KIAA1328: variants seen among roughly 807,000 people sequenced by gnomAD.
The protein encoded by KIAA1328 is KIAA1328, also known as protein hinderin.
Under a neutral mutation model 68.1 loss-of-function variants are expected in KIAA1328, and 52 were observed. The observed-to-expected ratio is 0.76, with a 90% CI of 0.61 to 0.96. The LOEUF is 0.96. Among genes scored for constraint, KIAA1328 ranks in the 40% least tolerant of loss-of-function variants. KIAA1328 has a pLI of 0.00. For synonymous variants in KIAA1328, 232 were observed against 239.4 expected, an observed-to-expected ratio of 0.97 and a Z score of 0.28; for missense variants, 641 against 677.6, an observed-to-expected ratio of 0.95 and a Z score of 0.60.
chr18:36,937,315 C>T (rs1423715996), intron 5 of KIAA1328, among the ~76,000 whole-genome samples: 2 of 151,484 alleles, frequency 1.3e-5, no homozygotes, highest in African/African-American at 4.9e-5. Flanking sequence ...GACTTCATGA[C>T]AAAAACGCCA....
chr18:36,843,344 AGTT>A, intron 3 of KIAA1328, among the ~76,000 whole-genome samples: 1 of 152,170 alleles, frequency 6.6e-6, no homozygotes, highest in African/African-American at 2.4e-5. Context: ...AGGTGTTTTC[AGTT>A]ATTCTTGGCT....
At chr18:36,856,079 C>T (rs1187169451) in intron 4 of KIAA1328, among the ~76,000 whole-genome samples, 2 of 151,658 alleles carry the variant, frequency 1.3e-5, no homozygotes, top group Non-Finnish European at 2.9e-5. Context: ...TTGTGTATGA[C>T]GAATCATTTC....
chr18:36,992,182 T>A (rs2053205542), intron 6 of KIAA1328, among the ~76,000 whole-genome samples: 1 of 152,232 alleles, frequency 6.6e-6, no homozygotes, highest in Non-Finnish European at 1.5e-5. Flanking sequence ...TTATGTGTGT[T>A]ACAGCCATCT....
intron 6 of KIAA1328, among the ~76,000 whole-genome samples, chr18:37,057,388 G>C (rs144965928): frequency 6.6e-6 from 1 of 151,654 alleles, no homozygotes; most frequent in Non-Finnish European, 1.5e-5. Context: ...TAAATGGTTG[G>C]GGGAAAAGGA....
At chr18:37,025,251 T>C (rs1045158291) in intron 6 of KIAA1328, among the ~76,000 whole-genome samples, 2 of 152,106 alleles carry the variant, frequency 1.3e-5, no homozygotes, top group African/African-American at 4.8e-5. Flanking sequence ...CAAAGAGACT[T>C]AGACTCCCAC....
intron 7 of KIAA1328, among the ~76,000 whole-genome samples, chr18:37,143,825 C>G (rs1202190430): frequency 6.6e-6 from 1 of 151,628 alleles, no homozygotes; most frequent in Non-Finnish European, 1.5e-5. Flanking sequence ...TACCACTTAC[C>G]TGAATTTATT....
intron 5 of KIAA1328, among the ~76,000 whole-genome samples, chr18:36,940,214 C>A (rs1041307969): frequency 6.6e-6 from 1 of 152,216 alleles, no homozygotes; most frequent in South Asian, 2.1e-4. Context: ...TTAGACAGTG[C>A]TTGTTAACCA....
In KIAA1328 at chr18:36,830,818, A is replaced by G. The variant is rs112043292; in HGVS notation, c.58+1622A>G. Reference sequence around the variant, plus strand: ...GAGGAATTGAAATTGTACAGGGGAAAAATGGTGGCGATTATATCCTATAAG... The same window carrying G: ...GAGGAATTGAAATTGTACAGGGGAAGAATGGTGGCGATTATATCCTATAAG... On this transcript the variant is annotated intron_variant, in intron 1 of 9. Transcript: ENST00000280020. 4.7e-3 allele frequency among the ~76,000 whole-genome samples: 721 copies of G among 152,316 alleles called. 7 individuals are homozygous for G. The highest frequency in any genetic ancestry group is 0.016 in the African/African-American group (683 of 41,564).
At chr18:37,140,745 T>C (rs1318277737) in intron 7 of KIAA1328, among the ~76,000 whole-genome samples, 1 of 152,146 alleles carries the variant, frequency 6.6e-6, no homozygotes, top group African/African-American at 2.4e-5. Flanking sequence ...TTTTAACAGC[T>C]CCATCAGATG....
In KIAA1328 at chr18:37,176,565, G is replaced by A. The variant is rs145664389; in HGVS notation, c.1523+3484G>A. On this transcript the variant is annotated intron_variant, in intron 9 of 9. Coordinates refer to ENST00000280020, the MANE Select transcript of KIAA1328 (RefSeq NM_020776.3). ...CACAGTGGTCATCTTGGCACAAGAG[G>A]GTGGTGAAGCTGAATTAAATGTACC... Among the ~76,000 whole-genome samples, 104 of 152,286 alleles carry A rather than the reference G, an allele frequency of 6.8e-4. No individual in the cohort carries two copies. The Middle Eastern group carries it at 0.014, about 20-fold the overall frequency.
intron 7 of KIAA1328, among the ~76,000 whole-genome samples, chr18:37,144,321 C>T (rs1435538058): frequency 1.3e-5 from 2 of 151,850 alleles, no homozygotes; most frequent in East Asian, 3.9e-4. Flanking sequence ...AGGGGTTTAC[C>T]ACTTGTATTA....
chr18:36,878,472 AATCTGGTGATT>A (rs1301931420), intron 4 of KIAA1328, among the ~76,000 whole-genome samples: 2 of 152,064 alleles, frequency 1.3e-5, no homozygotes, highest in Admixed American at 6.5e-5. Context: ...AACCTTGATG[AATCTGGTGATT>A]ATGTGTCTTG....
intron 4 of KIAA1328, among the ~76,000 whole-genome samples, chr18:36,884,205 G>A (rs1328149607): frequency 1.3e-5 from 2 of 151,846 alleles, no homozygotes; most frequent in Admixed American, 1.3e-4. Flanking sequence ...AAGGAAGCAG[G>A]ATAACCTGAT....
At chr18:37,086,135 T>C (rs1171392319) in intron 7 of KIAA1328, among the ~76,000 whole-genome samples, 2 of 152,186 alleles carry the variant, frequency 1.3e-5, no homozygotes, top group East Asian at 3.9e-4. Context: ...TTCAGTGAGC[T>C]TGAATAAGTT....
At chr18:37,070,086 G>A (rs1250430041) in intron 7 of KIAA1328, among the ~76,000 whole-genome samples, 1 of 151,978 alleles carries the variant, frequency 6.6e-6, no homozygotes, top group Non-Finnish European at 1.5e-5. Context: ...TGACCCATGG[G>A]TTATTTAGAA....
chr18:37,147,870 G>A (rs998804589), intron 7 of KIAA1328, among the ~76,000 whole-genome samples: 3 of 152,092 alleles, frequency 2.0e-5, no homozygotes, highest in Non-Finnish European at 4.4e-5. Flanking sequence ...TTATTGTGCA[G>A]ACATCATAGA....
At chr18:37,153,624 CTTT>C (rs772159270) in intron 7 of KIAA1328, among the ~76,000 whole-genome samples, 4 of 95,676 alleles carry the variant, frequency 4.2e-5, no homozygotes, top group African/African-American at 8.3e-5. Flanking sequence ...AATCCAATAG[CTTT>C]TTTTTTTTTT....
At chr18:37,111,100 T>A (rs2057917254) in intron 7 of KIAA1328, among the ~76,000 whole-genome samples, 2 of 152,116 alleles carry the variant, frequency 1.3e-5, no homozygotes, top group Non-Finnish European at 2.9e-5. Flanking sequence ...TTAGTCTGAG[T>A]CAACTTGAGA....
chr18:36,884,887 C>T (rs559572101), intron 4 of KIAA1328, among the ~76,000 whole-genome samples: 5 of 152,042 alleles, frequency 3.3e-5, no homozygotes, highest in Non-Finnish European at 7.4e-5. Flanking sequence ...GTGCTCTTGT[C>T]AGAAGTCATC....
Sources: gnomAD v4.1 joint callset for allele counts (sites outside exome capture counted in the v4.1 genomes callset) on GRCh38, gnomAD v4.1.1 for gene constraint, MANE v1.5 for transcripts, NCBI Gene and HGNC (gene_info 2026-07-23, HGNC 2026-07-21) for gene names.